CCDC138: variants seen among roughly 807,000 people sequenced by gnomAD.
The protein encoded by CCDC138 is coiled-coil domain-containing protein 138.
A neutral mutation model predicts 82.3 loss-of-function variants in CCDC138; 66 were observed. The ratio of observed to expected loss-of-function variants is 0.80; its 90% CI spans 0.66 to 0.98. The LOEUF is 0.98. Ranked by LOEUF, CCDC138 falls within the 50% of genes least tolerant of loss-of-function variation. The pLI is 0.00. For missense variants in CCDC138, 816 were observed against 758.9 expected (o/e 1.08, Z -0.88); for synonymous variants, 297 against 265.4 (o/e 1.12, Z -1.16).
At chr2:108,809,893 C>T (rs2149782714) in intron 7 of CCDC138, among the ~76,000 whole-genome samples, 1 of 152,284 alleles carries the variant, frequency 6.6e-6, no homozygotes, top group East Asian at 1.9e-4. Flanking sequence ...GCAACCTCCA[C>T]CTCCTGGGTT....
chr2:108,846,772 G>C lies in CCDC138; in HGVS notation c.1358G>C (p.Gly453Ala). The change falls in exon 12 of 15, where the codon GGT (glycine) becomes GCT (alanine). Residue 453 changes from glycine (G) to alanine (A), a missense_variant. Transcript: ENST00000295124. The stretch of plus-strand genomic sequence containing the variant: ...ATGACATCAACATTGAGGAGATTGG[G>C]TGAAGACATTTTTAAAGGAGTGGTA... ...STMTSTLRRL[G>A]EDIFKGVVTK... 1 of 1,612,758 alleles carries C rather than the reference G, an allele frequency of 6.2e-7. No individual in the cohort carries two copies. The highest frequency in any genetic ancestry group is 8.5e-7 in the Non-Finnish European group (1 of 1,179,046).
chr2:108,857,597 G>T (rs1376970063), intron 13 of CCDC138, among the ~76,000 whole-genome samples: 2 of 152,088 alleles, frequency 1.3e-5, no homozygotes, highest in African/African-American at 2.4e-5. Context: ...GTCCTATATT[G>T]TCTGATGTAT....
chr2:108,848,147 A>T (rs1486730218), intron 12 of CCDC138, among the ~76,000 whole-genome samples: 1 of 152,248 alleles, frequency 6.6e-6, no homozygotes, highest in East Asian at 1.9e-4. Flanking sequence ...AAGAAAAATT[A>T]TTAATCATTT....
At chr2:108,837,978 C>T (rs144609094) in intron 10 of CCDC138, among the ~76,000 whole-genome samples, 2 of 150,894 alleles carry the variant, frequency 1.3e-5, no homozygotes, top group East Asian at 3.9e-4. Context: ...AGACAGGAGT[C>T]AAGGGGAAAG....
intron 12 of CCDC138, among the ~76,000 whole-genome samples, chr2:108,853,862 A>AT (rs1691968799): frequency 1.6e-5 from 2 of 128,612 alleles, no homozygotes; most frequent in East Asian, 4.1e-4. Flanking sequence ...CTATATATAT[A>AT]ATATATATAC....
intron 10 of CCDC138, among the ~76,000 whole-genome samples, chr2:108,838,601 A>G (rs1288352954): frequency 6.6e-6 from 1 of 152,188 alleles, no homozygotes; most frequent in Non-Finnish European, 1.5e-5. Context: ...AAAATGATAT[A>G]CTTTTGAAGC....
chr2:108,803,443 T>A (rs908478878), intron 6 of CCDC138, among the ~76,000 whole-genome samples: 33 of 152,020 alleles, frequency 2.2e-4, no homozygotes, highest in African/African-American at 8.0e-4. Flanking sequence ...AAAAAAAAAT[T>A]TTTTTTTAAT....
rs1047455143 is a variant in CCDC138, at chr2:108,876,555, A to G, written c.*302A>G. 9.5e-5 allele frequency: 17 copies of G among 178,956 alleles called. No homozygotes were observed. The highest frequency in any genetic ancestry group is 1.6e-4 in the Non-Finnish European group (14 of 85,748). The allele number at this position is 178,956 out of a possible 1,614,324, so 11.1% of individuals were successfully genotyped here. ...TCTTAAAATTATGTGATTATTTGGA[A>G]TAAAATTGGTGCTTATGTGAGAACA... On this transcript the variant is annotated 3_prime_UTR_variant, in exon 15 of 15. Transcript: ENST00000295124.
At chr2:108,878,620 G>A (rs1459575110), downstream of CCDC138, among the ~76,000 whole-genome samples, 3 of 152,194 alleles carry the variant, frequency 2.0e-5, no homozygotes, top group Non-Finnish European at 4.4e-5. Flanking sequence ...CAGTAGTAGG[G>A]TGGTTTAGTA....
At chr2:108,873,238 G>T (rs558142478) in intron 13 of CCDC138, among the ~76,000 whole-genome samples, 72 of 151,982 alleles carry the variant, frequency 4.7e-4, no homozygotes, top group Non-Finnish European at 4.4e-5. Context: ...TTAATATTAG[G>T]GTAAATAATC....
intron 7 of CCDC138, among the ~76,000 whole-genome samples, chr2:108,812,387 A>G (rs9653455): frequency 0.062 from 9,503 of 152,248 alleles, 1,005 homozygotes; most frequent in African/African-American, 0.21. Flanking sequence ...ATATATGTAT[A>G]TGCTTTTAAG....
At chr2:108,838,645 T>C (rs970333918) in intron 10 of CCDC138, among the ~76,000 whole-genome samples, 13 of 152,258 alleles carry the variant, frequency 8.5e-5, no homozygotes, top group Admixed American at 4.6e-4. Flanking sequence ...AGTTAAATGT[T>C]TTTATAAATT....
Position 108,843,876 on chromosome 2 carries a change from G to GTT in CCDC138, c.1324-2861_1324-2860insTT, listed in dbSNP as rs1553424755. Among the ~76,000 whole-genome samples, 10 of 13,872 alleles carry GTT rather than the reference G, an allele frequency of 7.2e-4. 1 individual carries two copies. Among genetic ancestry groups the GTT allele is most frequent in the Non-Finnish European group, 4.4e-3 (8 of 1,798 alleles). 9.1% of individuals were successfully genotyped at this position (13,872 alleles called of 152,430 possible). On this transcript the variant is annotated intron_variant, in intron 11 of 14. Transcript: ENST00000295124. ...TGTGTGTGTGTGTGTGTGTGTGTGT[G>GTT]TGTTTCTTTCTTTTTTTTTTTTTTT...
chr2:108,846,748 T>G lies in CCDC138; in HGVS notation c.1334T>G (p.Met445Arg). 6 of 1,608,050 alleles carry G rather than the reference T, an allele frequency of 3.7e-6. No homozygotes were observed. The highest frequency in any genetic ancestry group is 5.1e-6 in the Non-Finnish European group (6 of 1,177,520). ...QLDAGAQHST[M>R]TSTLRRLGED... is the part of the protein sequence containing the mutation. Reference sequence around the variant, plus strand: ...ACATATTTTTAACAGCACTCGACTATGACATCAACATTGAGGAGATTGGGT... The same window carrying G: ...ACATATTTTTAACAGCACTCGACTAGGACATCAACATTGAGGAGATTGGGT... Residue 445 changes from methionine (M) to arginine (R), a missense_variant, in exon 12 of 15, where the codon ATG (methionine) becomes AGG (arginine). Coordinates refer to ENST00000295124, the MANE Select transcript of CCDC138 (RefSeq NM_144978.3).
At chr2:108,835,952 C>CA (rs1487000982) in intron 10 of CCDC138, among the ~76,000 whole-genome samples, 1 of 152,102 alleles carries the variant, frequency 6.6e-6, no homozygotes, top group Non-Finnish European at 1.5e-5. Flanking sequence ...GTTGTGTGCC[C>CA]ACAGGGTGGA....
downstream of CCDC138, among the ~76,000 whole-genome samples, chr2:108,881,118 GA>G (rs1696279734): frequency 6.6e-6 from 1 of 152,252 alleles, no homozygotes; most frequent in Admixed American, 6.5e-5. Context: ...TCTTCCAATA[GA>G]AGGCTGTTTC....
intron 1 of CCDC138, chr2:108,882,158 A>G (rs1016928273): frequency 6.6e-6 from 1 of 152,500 alleles, no homozygotes; most frequent in African/African-American, 2.4e-5. Context: ...TGTCTCAAAA[A>G]AAAAAAAAAG....
chr2:108,794,778 C>A, intron 5 of CCDC138, 57 bp downstream of exon 5: 1 of 1,322,924 alleles, frequency 7.6e-7, no homozygotes, highest in Non-Finnish European at 1.0e-6. Context: ...AAGAACCAAG[C>A]ATTTACGAAA....
intron 6 of CCDC138, 37 bp from the exon 7 acceptor site, chr2:108,804,852 C>T (rs1170634302): frequency 2.0e-6 from 3 of 1,465,876 alleles, no homozygotes; most frequent in African/African-American, 2.9e-5. Context: ...ACAGTCCTTA[C>T]AAGTTTTAGA....
Sources: gnomAD v4.1 joint callset for allele counts (sites outside exome capture counted in the v4.1 genomes callset) on GRCh38, gnomAD v4.1.1 for gene constraint, MANE v1.5 for transcripts, NCBI Gene and HGNC (gene_info 2026-07-23, HGNC 2026-07-21) for gene names.